Variants in HUWE1 observed in about 807,000 individuals in gnomAD.
The protein encoded by HUWE1 is HECT, UBA and WWE domain containing E3 ubiquitin protein ligase 1, also known as E3 ubiquitin-protein ligase HUWE1.
A neutral mutation model predicts 299.4 loss-of-function variants in HUWE1; 18 were observed. That is an observed-to-expected ratio of 0.06 (90% CI 0.04 to 0.09). The LOEUF (loss-of-function observed/expected upper bound fraction) is 0.09. HUWE1 is among the 10% of genes least tolerant of loss of function. The pLI, the probability that HUWE1 is intolerant of heterozygous loss-of-function variation, is 1.00. For synonymous variants in HUWE1, 1,317 were observed against 1,286.1 expected (o/e 1.02, Z -0.51); for missense variants, 1,832 against 3,462.3 (o/e 0.53, Z 11.82).
chrX:53,625,853 AGGGCCGGGGCCG>A (rs1299494277), intron 17 of HUWE1: 24 of 155,635 alleles, frequency 1.5e-4, no homozygotes, highest in South Asian at 3.8e-4. Flanking sequence ...GGCCGGGGCC[AGGGCCGGGGCCG>A]GGGCCGGGGC....
At chrX:53,612,343 C>G (rs1204985707) in intron 23 of HUWE1, among the ~76,000 whole-genome samples, 1 of 111,973 alleles carries the variant, frequency 8.9e-6, no homozygotes, top group East Asian at 2.8e-4. Flanking sequence ...ACAGTAACTA[C>G]TAGAGTCCTC....
chrX:53,626,593 G>A (rs781948035), intron 17 of HUWE1, among the ~76,000 whole-genome samples: 2 of 111,577 alleles, frequency 1.8e-5, no homozygotes, highest in Admixed American at 9.5e-5. Flanking sequence ...GATCCGCACC[G>A]AAACTAGTAG....
rs138022287 is a variant in HUWE1, at chrX:53,654,737, G to T, written c.-24-606C>A. 6.7e-4 allele frequency among the ~76,000 whole-genome samples: 75 copies of T among 112,243 alleles called. 1 individual carries two copies. The East Asian group carries it at 0.018, about 28-fold the overall frequency. On this transcript the variant is annotated intron_variant, in intron 3 of 83. Coordinates refer to ENST00000262854, the MANE Select transcript of HUWE1 (RefSeq NM_031407.7). ...AAAGATGTTCATGATGAAATAAAAA[G>T]ATTACAACACAGAACATACGGTATA... is the stretch of plus-strand genomic sequence containing the variant.
chrX:53,600,987 A>C (rs1569483080), intron 28 of HUWE1, among the ~76,000 whole-genome samples: 2 of 111,890 alleles, frequency 1.8e-5, no homozygotes, highest in African/African-American at 6.5e-5. Context: ...CCTGAGTTAA[A>C]TTTAGTATGT....
At chrX:53,666,992 A>T in intron 3 of HUWE1, among the ~76,000 whole-genome samples, 1 of 112,461 alleles carries the variant, frequency 8.9e-6, no homozygotes. Context: ...TCCATTCAAC[A>T]ATTATAAACA....
intron 47 of HUWE1, among the ~76,000 whole-genome samples, chrX:53,572,330 T>C (rs1057486133): frequency 8.9e-6 from 1 of 111,948 alleles, no homozygotes; most frequent in Non-Finnish European, 1.9e-5. Context: ...GGGCAGCTTC[T>C]AGGGAGCTTG....
intron 3 of HUWE1, among the ~76,000 whole-genome samples, chrX:53,673,599 A>G (rs1262123432): frequency 8.9e-6 from 1 of 111,921 alleles, no homozygotes; most frequent in Non-Finnish European, 1.9e-5. Flanking sequence ...CAATATTTTT[A>G]ATAATTCTGC....
chrX:53,631,133 T>C (rs1426602249), intron 11 of HUWE1, 99 bp from the exon 12 acceptor site: 2 of 566,716 alleles, frequency 3.5e-6, no homozygotes, highest in East Asian at 6.7e-5. Flanking sequence ...AAACGTTTTC[T>C]CCTTTGATAT....
At chrX:53,630,119 C>T (rs1317427711) in intron 12 of HUWE1, among the ~76,000 whole-genome samples, 1 of 111,831 alleles carries the variant, frequency 8.9e-6, no homozygotes, top group Non-Finnish European at 1.9e-5. Context: ...GGACACAGTA[C>T]CCTGAAGCAT....
intron 42 of HUWE1, among the ~76,000 whole-genome samples, chrX:53,582,722 C>T (rs782298613): frequency 9.0e-6 from 1 of 111,627 alleles, no homozygotes; most frequent in South Asian, 3.7e-4. Flanking sequence ...AAAAGCCTCA[C>T]TACTAGGACA....
chrX:53,533,860 A>G (rs1425649447), intron 83 of HUWE1, 147 bp downstream of exon 83: 1 of 554,187 alleles, frequency 1.8e-6, no homozygotes, highest in Non-Finnish European at 3.2e-6. Context: ...CTCAAACATC[A>G]CCTCCATAGA....
intron 19 of HUWE1, among the ~76,000 whole-genome samples, chrX:53,621,811 C>T (rs782671943): frequency 2.3e-4 from 26 of 112,279 alleles, no homozygotes; most frequent in South Asian, 7.3e-4. Flanking sequence ...ACTACTCATA[C>T]AACTATATCT....
At chrX:53,600,399 T>C (rs2064757359) in intron 28 of HUWE1, 90 bp from the exon 29 acceptor site, 1 of 691,375 alleles carries the variant, frequency 1.4e-6, no homozygotes, top group East Asian at 3.5e-5. Flanking sequence ...TACCTATGGT[T>C]TTTGTTACTC....
At chrX:53,544,489 C>G in intron 72 of HUWE1, 71 bp downstream of exon 72, 1 of 866,561 alleles carries the variant, frequency 1.2e-6, no homozygotes, top group East Asian at 3.2e-5. Context: ...GCCGTTAAGT[C>G]CTGCACCTCC....
chrX:53,538,314 C>T (rs368641160), intron 77 of HUWE1, 23 bp downstream of exon 77: 9 of 1,060,007 alleles, frequency 8.5e-6, no homozygotes, highest in Non-Finnish European at 7.9e-6. Context: ...ACCCCTCTAC[C>T]CCCCAATATC....
At chrX:53,670,977 A>G (rs6654699) in intron 3 of HUWE1, among the ~76,000 whole-genome samples, 1,569 of 112,439 alleles carry the variant, frequency 0.014, 28 homozygotes, top group African/African-American at 0.048. Context: ...ATCATATACT[A>G]AACATATCAC....
chrX:53,579,383 C>T (rs1556964415), intron 43 of HUWE1, among the ~76,000 whole-genome samples: 1 of 110,327 alleles, frequency 9.1e-6, no homozygotes, highest in Non-Finnish European at 1.9e-5. Context: ...GGCACTTCTG[C>T]CCGGCCGCCC....
rs1056260282 is a variant in HUWE1 at position 53,535,424 on chromosome X, C to T, written c.12609G>A (p.Lys4203=). The change falls in exon 81 of 84, where the codon AAG becomes AAA. Residue 4203 remains lysine, a synonymous_variant. Transcript: ENST00000262854. ...GGCATACCAGGTGTACATACTCCTTCTTATTCTCCTCTGTTACCAAGATGT... is the reference window on the plus strand; with the variant it reads ...GGCATACCAGGTGTACATACTCCTTTTTATTCTCCTCTGTTACCAAGATGT... The part of the protein sequence containing the change: ...GANILVTEEN[K]KEYVHLVCQM... 2.7e-5 allele frequency: 32 copies of T among 1,205,182 alleles called. No individual in the cohort carries two copies. Among genetic ancestry groups the T allele is most frequent in the Non-Finnish European group, 3.5e-5 (31 of 890,842 alleles).
chrX:53,636,322 C>T lies in HUWE1; in HGVS notation c.505-2024G>A, dbSNP rs999747823. On this transcript the variant is annotated intron_variant, in intron 7 of 83. Transcript: ENST00000262854. Reference sequence around the variant, plus strand: ...ATAAACTGACTGTCGGAATTCAAGTCTATCAGAACTCTAAAAAATAATCAG... The same window carrying T: ...ATAAACTGACTGTCGGAATTCAAGTTTATCAGAACTCTAAAAAATAATCAG... Among the ~76,000 whole-genome samples the T allele has an allele frequency of 6.2e-5, 7 of 112,651 alleles. 1 individual carries two copies. In the South Asian group the frequency reaches 2.6e-3, roughly 41 times the overall value.
Sources: gnomAD v4.1 joint callset for allele counts (sites outside exome capture counted in the v4.1 genomes callset) on GRCh38, gnomAD v4.1.1 for gene constraint, MANE v1.5 for transcripts, NCBI Gene and HGNC (gene_info 2026-07-23, HGNC 2026-07-21) for gene names.